NDST4: variants seen among roughly 807,000 people sequenced by gnomAD.
The protein encoded by NDST4 is N-heparan sulfate sulfotransferase 4.
A neutral mutation model predicts 100.8 loss-of-function variants in NDST4; 63 were observed. The observed-to-expected ratio is 0.62, with a 90% CI of 0.51 to 0.77. The LOEUF is 0.77. Ranked by LOEUF, NDST4 falls within the 30% of genes least tolerant of loss-of-function variation. The pLI is 0.00. For synonymous variants in NDST4, 377 were observed against 361.8 expected, an observed-to-expected ratio of 1.04 and a Z score of -0.48; for missense variants, 943 against 1,018.4, an observed-to-expected ratio of 0.93 and a Z score of 1.01.
At chr4:114,984,820 G>T (rs1018231699) in intron 2 of NDST4, among the ~76,000 whole-genome samples, 3 of 152,052 alleles carry the variant, frequency 2.0e-5, no homozygotes, top group African/African-American at 4.8e-5. Context: ...CTTTTGCTTC[G>T]ATACTATTTG....
intron 6 of NDST4, among the ~76,000 whole-genome samples, chr4:114,891,889 C>A (rs575297572): frequency 9.5e-4 from 144 of 152,226 alleles, no homozygotes; most frequent in African/African-American, 3.4e-3. Flanking sequence ...ACATAACATT[C>A]TTTACACCTT....
At chr4:114,843,797 T>A (rs1723483115) in intron 10 of NDST4, among the ~76,000 whole-genome samples, 1 of 152,164 alleles carries the variant, frequency 6.6e-6, no homozygotes, top group Non-Finnish European at 1.5e-5. Context: ...CTCTGCACTT[T>A]TCATCTCTAA....
chr4:114,860,609 C>G (rs549567862), intron 7 of NDST4, among the ~76,000 whole-genome samples: 1 of 152,150 alleles, frequency 6.6e-6, no homozygotes, highest in Non-Finnish European at 1.5e-5. Context: ...TATTGAAGAG[C>G]GTATCAGTCT....
intron 7 of NDST4, among the ~76,000 whole-genome samples, chr4:114,857,975 T>C (rs1560781572): frequency 6.6e-6 from 1 of 152,006 alleles, no homozygotes; most frequent in Non-Finnish European, 1.5e-5. Flanking sequence ...AAGAGAGCAG[T>C]ATGATTCAGC....
At chr4:114,994,471 G>A (rs1349144367) in intron 2 of NDST4, among the ~76,000 whole-genome samples, 1 of 151,884 alleles carries the variant, frequency 6.6e-6, no homozygotes, top group East Asian at 1.9e-4. Context: ...CTAGAACACA[G>A]AGTGATCAAT....
chr4:115,074,279 A>T (rs1210490299), intron 2 of NDST4, among the ~76,000 whole-genome samples: 1 of 151,954 alleles, frequency 6.6e-6, no homozygotes, highest in Non-Finnish European at 1.5e-5. Flanking sequence ...TATTGAGAAA[A>T]AGTGAAATAG....
chr4:115,067,317 C>A (rs1296059926), intron 2 of NDST4, among the ~76,000 whole-genome samples: 1 of 152,156 alleles, frequency 6.6e-6, no homozygotes, highest in Non-Finnish European at 1.5e-5. Flanking sequence ...ATGATTCATA[C>A]CTCATTGAGT....
chr4:115,035,526 A>G lies in NDST4; in HGVS notation c.978+40533T>C, dbSNP rs145236354. 4.2e-3 allele frequency among the ~76,000 whole-genome samples: 641 copies of G among 152,152 alleles called. 4 individuals are homozygous for G. Among genetic ancestry groups the G allele is most frequent in the African/African-American group, 0.015 (607 of 41,566 alleles). On this transcript the variant is annotated intron_variant, in intron 2 of 13. Coordinates refer to ENST00000264363, the MANE Select transcript of NDST4 (RefSeq NM_022569.3). ...GAATAATAAAAAAAGGCAGCAGAAGAAATGTGTTTTAAGAGTAATGAATAG... is the reference window on the plus strand; with the variant it reads ...GAATAATAAAAAAAGGCAGCAGAAGGAATGTGTTTTAAGAGTAATGAATAG...
intron 6 of NDST4, among the ~76,000 whole-genome samples, chr4:114,923,946 A>C (rs1003249023): frequency 6.6e-6 from 1 of 152,022 alleles, no homozygotes; most frequent in Admixed American, 6.6e-5. Flanking sequence ...AATTGAAAAA[A>C]AATGCAATCT....
chr4:114,864,210 A>C (rs1253780548), intron 7 of NDST4, among the ~76,000 whole-genome samples: 1 of 152,200 alleles, frequency 6.6e-6, no homozygotes, highest in African/African-American at 2.4e-5. Flanking sequence ...GGACATTTCT[A>C]GACCTTAATA....
At chr4:114,913,935 G>A (rs559970215) in intron 6 of NDST4, among the ~76,000 whole-genome samples, 2 of 152,024 alleles carry the variant, frequency 1.3e-5, no homozygotes, top group South Asian at 4.2e-4. Flanking sequence ...TTTGGCTACT[G>A]TGAACAGTAA....
intron 6 of NDST4, among the ~76,000 whole-genome samples, chr4:114,915,826 GGAGAAGGA>G (rs1446720555): frequency 5.9e-5 from 9 of 151,828 alleles, no homozygotes; most frequent in Non-Finnish European, 1.0e-4. Flanking sequence ...AGAAGAAGGA[GGAGAAGGA>G]GAGGGGGAGA....
intron 1 of NDST4, among the ~76,000 whole-genome samples, chr4:115,089,738 C>T (rs906764327): frequency 2.1e-4 from 32 of 151,760 alleles, no homozygotes; most frequent in African/African-American, 7.7e-4. Flanking sequence ...GTTAAATTGA[C>T]GTTCAATGTT....
intron 2 of NDST4, among the ~76,000 whole-genome samples, chr4:115,013,270 A>G (rs982893270): frequency 1.4e-5 from 2 of 148,046 alleles, no homozygotes; most frequent in African/African-American, 2.5e-5. Context: ...TGGATATCCC[A>G]TTTACCCTAA....
In NDST4 at chr4:115,113,539, G is replaced by A. The variant is rs1172981942; in HGVS notation, c.-342C>T. 6.6e-6 allele frequency: 1 copy of A among 151,900 alleles called. No individual in the cohort carries two copies. Among genetic ancestry groups the A allele is most frequent in the Non-Finnish European group, 1.5e-5 (1 of 67,932 alleles). The allele number at this position is 151,900 out of a possible 1,614,324, so 9.4% of individuals were successfully genotyped here. A position where few individuals can be genotyped will look rare whatever the true frequency, so the allele number is the denominator to read the frequency against. On this transcript the variant is annotated 5_prime_UTR_variant, in exon 1 of 14. Transcript: ENST00000264363. ...AGTATTCAGGTTCACTTGGCTCCAGGTTAATTAGAAGGAGCTTTCAGTTCA... is the reference window on the plus strand; with the variant it reads ...AGTATTCAGGTTCACTTGGCTCCAGATTAATTAGAAGGAGCTTTCAGTTCA...
intron 6 of NDST4, among the ~76,000 whole-genome samples, chr4:114,881,666 A>G (rs1361053521): frequency 1.3e-5 from 2 of 152,108 alleles, no homozygotes; most frequent in Non-Finnish European, 2.9e-5. Flanking sequence ...GGGAGAGGAC[A>G]GCTGAATTCT....
intron 2 of NDST4, among the ~76,000 whole-genome samples, chr4:115,042,374 G>A (rs1466051398): frequency 6.6e-6 from 1 of 152,042 alleles, no homozygotes; most frequent in Non-Finnish European, 1.5e-5. Flanking sequence ...ATAAATTGTA[G>A]TCTACTGCTA....
chr4:115,012,680 C>A (rs896056988), intron 2 of NDST4, among the ~76,000 whole-genome samples: 1 of 151,896 alleles, frequency 6.6e-6, no homozygotes, highest in African/African-American at 2.4e-5. Flanking sequence ...CCAGAAATCC[C>A]AGTGCTGGGT....
intron 4 of NDST4, among the ~76,000 whole-genome samples, chr4:114,948,061 A>G (rs1055666909): frequency 3.9e-5 from 6 of 152,150 alleles, no homozygotes; most frequent in African/African-American, 1.2e-4. Flanking sequence ...GGTTAGAATC[A>G]TTAATTCAAA....
Sources: gnomAD v4.1 joint callset for allele counts (sites outside exome capture counted in the v4.1 genomes callset) on GRCh38, gnomAD v4.1.1 for gene constraint, MANE v1.5 for transcripts, NCBI Gene and HGNC (gene_info 2026-07-23, HGNC 2026-07-21) for gene names.